Variants in ST3GAL2 observed in about 807,000 individuals in gnomAD.
ST3GAL2 encodes CMP-N-acetylneuraminate-beta-galactosamide-alpha-2,3-sialyltransferase 2.
A neutral mutation model predicts 37.5 loss-of-function variants in ST3GAL2; 16 were observed. The ratio of observed to expected loss-of-function variants is 0.43; its 90% confidence interval spans 0.29 to 0.65. The LOEUF is 0.65. Ranked by LOEUF, ST3GAL2 falls within the 30% of genes least tolerant of loss-of-function variation. The pLI, the probability that ST3GAL2 is intolerant of heterozygous loss-of-function variation, is 0.17. For missense variants in ST3GAL2, 383 were observed against 487.8 expected (o/e 0.79, Z 2.02); for synonymous variants, 238 against 202.9 (o/e 1.17, Z -1.47).
At chr16:70,415,544 C>T (rs1273354323) in intron 1 of ST3GAL2, among the ~76,000 whole-genome samples, 1 of 152,108 alleles carries the variant, frequency 6.6e-6, no homozygotes, top group Admixed American at 6.6e-5. Flanking sequence ...CTCCATCTCC[C>T]GGGTTCAAGC....
chr16:70,397,634 G>C (rs189937506), intron 2 of ST3GAL2, among the ~76,000 whole-genome samples: 2 of 152,052 alleles, frequency 1.3e-5, no homozygotes, highest in Non-Finnish European at 2.9e-5. Context: ...GCTGAGGCAG[G>C]AGAATCACTT....
intron 1 of ST3GAL2, among the ~76,000 whole-genome samples, chr16:70,407,202 G>A (rs931212294): frequency 4.6e-5 from 7 of 150,564 alleles, no homozygotes; most frequent in African/African-American, 1.5e-4. Flanking sequence ...GTGCAGTGGC[G>A]CAATATTGGC....
intron 1 of ST3GAL2, among the ~76,000 whole-genome samples, chr16:70,418,377 C>G (rs1173522996): frequency 2.0e-5 from 3 of 152,162 alleles, no homozygotes; most frequent in African/African-American, 7.2e-5. Context: ...TATCCTTCCT[C>G]CAGGAGGGCT....
At chr16:70,423,964 G>A (rs906534059) in intron 1 of ST3GAL2, among the ~76,000 whole-genome samples, 7 of 151,528 alleles carry the variant, frequency 4.6e-5, no homozygotes, top group African/African-American at 1.5e-4. Context: ...AGGCTGAGGC[G>A]GGAAAATGGC....
At chr16:70,390,119 G>C (rs975680251) in intron 3 of ST3GAL2, among the ~76,000 whole-genome samples, 6 of 152,100 alleles carry the variant, frequency 3.9e-5, no homozygotes, top group African/African-American at 1.4e-4. Flanking sequence ...CTGTCACCCA[G>C]GCTGGAGTGC....
intron 1 of ST3GAL2, among the ~76,000 whole-genome samples, chr16:70,429,078 G>A (rs1401900618): frequency 6.6e-6 from 1 of 152,226 alleles, no homozygotes; most frequent in Non-Finnish European, 1.5e-5. Context: ...CTGGATGCAG[G>A]GGAACTGAGC....
chr16:70,420,251 T>C (rs1328453447), intron 1 of ST3GAL2, among the ~76,000 whole-genome samples: 2 of 152,054 alleles, frequency 1.3e-5, no homozygotes, highest in East Asian at 3.9e-4. Flanking sequence ...GCCTTTTGTA[T>C]GGCAGTTCGT....
At chr16:70,436,901 C>A (rs1323086937) in intron 1 of ST3GAL2, among the ~76,000 whole-genome samples, 1 of 152,090 alleles carries the variant, frequency 6.6e-6, no homozygotes, top group African/African-American at 2.4e-5. Context: ...TAATCCATTT[C>A]CCACCCCTCT....
At chr16:70,421,391 C>A (rs1447948044) in intron 1 of ST3GAL2, among the ~76,000 whole-genome samples, 5 of 152,232 alleles carry the variant, frequency 3.3e-5, no homozygotes, top group Non-Finnish European at 5.9e-5. Flanking sequence ...GGGCCCTCCT[C>A]GGTCCCTGCT....
At chr16:70,407,186 G>T (rs1214383944) in intron 1 of ST3GAL2, among the ~76,000 whole-genome samples, 1 of 151,060 alleles carries the variant, frequency 6.6e-6, no homozygotes, top group Non-Finnish European at 1.5e-5. Context: ...GGTTGCCCAG[G>T]CTGGAGTGCA....
chr16:70,398,458 T>C lies in ST3GAL2; in HGVS notation c.73A>G (p.Thr25Ala). The change falls in exon 2 of 7, where the codon ACC (threonine) becomes GCC (alanine). Residue 25 changes from threonine (T) to alanine (A), a missense_variant. This residue lies in a region of ST3GAL2 where 223 missense variants were observed against 239.1 expected (regional missense o/e 0.93). Coordinates refer to ENST00000342907, the MANE Select transcript of ST3GAL2 (RefSeq NM_006927.4). Reference protein sequence around the residue: ...LLVFIMSLLFTYSHHSMATLP... With the variant: ...LLVFIMSLLFAYSHHSMATLP... ...GTGGCCATGCTGTGGTGCGAGTAGG[T>C]GAAGAGCAGGGACATGATGAACACC... is the stretch of plus-strand genomic sequence containing the variant. 6.2e-7 allele frequency: 1 copy of C among 1,613,434 alleles called. No homozygotes were observed. Among genetic ancestry groups the C allele is most frequent in the Non-Finnish European group, 8.5e-7 (1 of 1,179,954 alleles).
At chr16:70,435,443 A>G (rs1567679668) in intron 1 of ST3GAL2, among the ~76,000 whole-genome samples, 1 of 151,812 alleles carries the variant, frequency 6.6e-6, no homozygotes, top group Non-Finnish European at 1.5e-5. Context: ...TAAAAATACA[A>G]AAAAATTAGA....
chr16:70,410,707 G>C (rs1264576535), intron 1 of ST3GAL2, among the ~76,000 whole-genome samples: 1 of 151,148 alleles, frequency 6.6e-6, no homozygotes, highest in Non-Finnish European at 1.5e-5. Context: ...AATTTGGTGT[G>C]GCTTAACAAT....
intron 1 of ST3GAL2, among the ~76,000 whole-genome samples, chr16:70,412,976 C>T (rs2903523): frequency 0.055 from 8,330 of 151,922 alleles, 277 homozygotes; most frequent in Non-Finnish European, 0.072. Flanking sequence ...AGGCTGGGCA[C>T]GGTGGCACAC....
chr16:70,407,404 G>A (rs1424107386), intron 1 of ST3GAL2, among the ~76,000 whole-genome samples: 1 of 152,180 alleles, frequency 6.6e-6, no homozygotes, highest in South Asian at 2.1e-4. Context: ...GCCTCCCCAG[G>A]TGCTGGAATT....
At chr16:70,383,122 A>C (rs2047417664) in intron 5 of ST3GAL2, 68 bp downstream of exon 5, 7 of 1,598,022 alleles carry the variant, frequency 4.4e-6, no homozygotes, top group Non-Finnish European at 6.0e-6. Context: ...CACCTGAGCT[A>C]CAGGACCAGG....
At chr16:70,401,397 G>T (rs1193973069) in intron 1 of ST3GAL2, among the ~76,000 whole-genome samples, 2 of 150,350 alleles carry the variant, frequency 1.3e-5, no homozygotes, top group African/African-American at 5.0e-5. Context: ...AGAAGTAGAG[G>T]AAAGAGCAGA....
chr16:70,398,055 C>T (rs1316059479), intron 2 of ST3GAL2, 137 bp downstream of exon 2: 3 of 902,400 alleles, frequency 3.3e-6, no homozygotes, highest in Non-Finnish European at 5.0e-6. Flanking sequence ...CTCTGCCCTT[C>T]AGTAATCTGT....
rs201052836 is a variant in ST3GAL2 at position 70,422,237 on chromosome 16, G to C, written c.-1004+16712C>G. ...GATAATGCCTACCTACTGACCTCAC[G>C]CACTCCCTGCAAAGATTAAATGAGC... On this transcript the variant is annotated intron_variant, in intron 1 of 6. Transcript: ENST00000342907. Among the ~76,000 whole-genome samples the C allele has an allele frequency of 8.5e-5, 13 of 152,260 alleles. No individual in the cohort carries two copies. In the East Asian group the frequency reaches 2.1e-3, roughly 25 times the overall value.
Sources: allele counts gnomAD v4.1 joint callset (sites outside exome capture counted in the v4.1 genomes callset), GRCh38; gene constraint gnomAD v4.1.1; regional missense constraint gnomAD v4.1.1; transcripts MANE v1.5; gene names NCBI Gene and HGNC (gene_info 2026-07-23, HGNC 2026-07-21).